Variants in TMCC1 observed in about 807,000 individuals in gnomAD.
The protein encoded by TMCC1 is transmembrane and coiled-coil domains protein 1.
TMCC1 carries 15 observed loss-of-function variants against 52.4 expected under a neutral mutation model. The observed-to-expected ratio is 0.29, with a 90% CI of 0.19 to 0.44. TMCC1 has a LOEUF of 0.44. TMCC1 is among the 20% of genes least tolerant of loss of function. The probability of loss-of-function intolerance (pLI) is 1.00; values close to 1 mark genes in which losing one functional copy is unlikely to be tolerated. For synonymous variants in TMCC1, 279 were observed against 301.9 expected (o/e 0.92, Z 0.79); for missense variants, 503 against 806.0 (o/e 0.62, Z 4.55).
At chr3:129,844,217 TAGTTTAATAAGGA>T (rs1160521187) in intron 2 of TMCC1, among the ~76,000 whole-genome samples, 1 of 152,152 alleles carries the variant, frequency 6.6e-6, no homozygotes, top group East Asian at 1.9e-4. Context: ...GGAACTCCCT[TAGTTTAATAAGGA>T]TATCTACCAA....
At chr3:129,779,770 T>C (rs1464350641) in intron 4 of TMCC1, among the ~76,000 whole-genome samples, 1 of 152,192 alleles carries the variant, frequency 6.6e-6, no homozygotes, top group African/African-American at 2.4e-5. Flanking sequence ...TTTTTCAGTA[T>C]ATACACAATA....
At chr3:129,755,958 C>T (rs1417887427) in intron 4 of TMCC1, among the ~76,000 whole-genome samples, 5 of 152,046 alleles carry the variant, frequency 3.3e-5, no homozygotes, top group East Asian at 1.9e-4. Context: ...CTCAGCTGGG[C>T]GTGGTGGTGG....
At chr3:129,677,788 T>C (rs548286621) in intron 4 of TMCC1, among the ~76,000 whole-genome samples, 3 of 152,314 alleles carry the variant, frequency 2.0e-5, no homozygotes, top group Non-Finnish European at 2.9e-5. Context: ...TTAGGACTAA[T>C]TACTCTTCTT....
At chr3:129,764,755 G>GTATA (rs2053940549) in intron 4 of TMCC1, among the ~76,000 whole-genome samples, 2 of 4,260 alleles carry the variant, frequency 4.7e-4, no homozygotes, top group African/African-American at 1.1e-3. Context: ...GTGTGTGTGT[G>GTATA]TGTATATATA....
chr3:129,791,980 A>G (rs536640428), intron 4 of TMCC1, among the ~76,000 whole-genome samples: 1 of 152,272 alleles, frequency 6.6e-6, no homozygotes, highest in South Asian at 2.1e-4. Context: ...GCAAACGTTT[A>G]TATCTTCTTT....
At chr3:129,845,970 G>C (rs1052719649) in intron 2 of TMCC1, among the ~76,000 whole-genome samples, 1 of 152,046 alleles carries the variant, frequency 6.6e-6, no homozygotes, top group Non-Finnish European at 1.5e-5. Flanking sequence ...AGAGGTACAG[G>C]CTGCAGTGAG....
intron 2 of TMCC1, among the ~76,000 whole-genome samples, chr3:129,850,160 A>T (rs1319685187): frequency 6.6e-6 from 1 of 152,318 alleles, no homozygotes; most frequent in East Asian, 1.9e-4. Flanking sequence ...TACTGTTCAA[A>T]TATGGAATGT....
At chr3:129,733,329 A>G (rs1401666684) in intron 4 of TMCC1, among the ~76,000 whole-genome samples, 4 of 152,236 alleles carry the variant, frequency 2.6e-5, no homozygotes, top group African/African-American at 9.6e-5. Flanking sequence ...AAGTCACCAG[A>G]TAATTATAAA....
At position 129,670,465 on chromosome 3, in the gene TMCC1, A is replaced by G; in HGVS notation, c.1376T>C (p.Phe459Ser). 6.2e-7 allele frequency: 1 copy of G among 1,614,152 alleles called. No individual in the cohort carries two copies. The highest frequency in any genetic ancestry group is 8.5e-7 in the Non-Finnish European group (1 of 1,180,016). ...CTGGATCTCATGTAGTAGTGCATCA[A>G]ATCCTGAGCTCTGCATGTCCAGGGT... The part of the protein sequence containing the change: ...TNTLDMQSSG[F>S]DALLHEIQEI... Residue 459 changes from phenylalanine (F) to serine (S), a missense_variant, in exon 5 of 7, where the codon TTT becomes TCT. Physicochemically the swap from Phe to Ser is radical, Grantham distance 155 (BLOSUM62 -2). Coordinates refer to ENST00000393238, the MANE Select transcript of TMCC1 (RefSeq NM_001017395.5).
chr3:129,847,487 C>G (rs2107889339), intron 2 of TMCC1: 1 of 152,302 alleles, frequency 6.6e-6, no homozygotes, highest in Admixed American at 6.5e-5. Flanking sequence ...TGAGGTCCAT[C>G]TAGGTTGTTG....
chr3:129,870,759 CAAA>C (rs61673201), intron 2 of TMCC1, among the ~76,000 whole-genome samples: 5 of 10,672 alleles, frequency 4.7e-4, no homozygotes, highest in African/African-American at 5.3e-4. Context: ...GACTCCATCT[CAAA>C]AAAAAAAAAA....
intron 2 of TMCC1, among the ~76,000 whole-genome samples, chr3:129,851,995 C>A (rs916699784): frequency 6.6e-6 from 1 of 150,950 alleles, no homozygotes; most frequent in Non-Finnish European, 1.5e-5. Context: ...ACTAAAAATT[C>A]AAAAAAAATT....
intron 4 of TMCC1, among the ~76,000 whole-genome samples, chr3:129,827,476 A>T (rs1451668610): frequency 6.6e-6 from 1 of 152,222 alleles, no homozygotes. Context: ...GTGCAAAATC[A>T]AAACAATAAG....
intron 2 of TMCC1, among the ~76,000 whole-genome samples, chr3:129,843,298 G>C: frequency 6.6e-6 from 1 of 151,756 alleles, no homozygotes; most frequent in East Asian, 1.9e-4. Flanking sequence ...AGTGAGCCGA[G>C]ATCGCACCAC....
chr3:129,693,450 G>C (rs1420291301), intron 4 of TMCC1, among the ~76,000 whole-genome samples: 1 of 151,500 alleles, frequency 6.6e-6, no homozygotes, highest in Non-Finnish European at 1.5e-5. Flanking sequence ...ATCTTAATCA[G>C]GGGCCCAAAT....
At chr3:129,750,700 G>A (rs2052426406) in intron 4 of TMCC1, among the ~76,000 whole-genome samples, 1 of 145,816 alleles carries the variant, frequency 6.9e-6, no homozygotes, top group African/African-American at 2.5e-5. Context: ...TCAGCCTCCC[G>A]AGTAGCTGGG....
At chr3:129,698,112 T>G (rs1415318159) in intron 4 of TMCC1, among the ~76,000 whole-genome samples, 2 of 152,152 alleles carry the variant, frequency 1.3e-5, no homozygotes, top group African/African-American at 2.4e-5. Flanking sequence ...TTTACTATAT[T>G]AGTCAATTTT....
intron 2 of TMCC1, chr3:129,861,006 G>T (rs1262955724): frequency 6.6e-6 from 1 of 152,176 alleles, no homozygotes. Context: ...GTTTTCACAT[G>T]AAGTAACTAA....
intron 4 of TMCC1, among the ~76,000 whole-genome samples, chr3:129,756,233 G>GTT (rs2052998338): frequency 6.6e-6 from 1 of 152,202 alleles, no homozygotes; most frequent in East Asian, 1.9e-4. Context: ...TGAAAAACCT[G>GTT]TATGTGAATG....
Sources: allele counts gnomAD v4.1 joint callset (sites outside exome capture counted in the v4.1 genomes callset), GRCh38; gene constraint gnomAD v4.1.1; transcripts MANE v1.5; gene names NCBI Gene and HGNC (gene_info 2026-07-23, HGNC 2026-07-21).